NTRK2: variants seen among roughly 807,000 people sequenced by gnomAD.
NTRK2 encodes neurotrophic receptor tyrosine kinase 2.
A neutral mutation model predicts 94.5 loss-of-function variants in NTRK2; 13 were observed. The observed-to-expected ratio is 0.14, with a 90% CI of 0.09 to 0.22. The LOEUF (loss-of-function observed/expected upper bound fraction) is 0.22. Ranked by LOEUF, NTRK2 falls within the 10% of genes least tolerant of loss-of-function variation. NTRK2 has a pLI of 1.00. For missense variants in NTRK2, 639 were observed against 1,071.2 expected (o/e 0.60, Z 5.63); for synonymous variants, 372 against 407.4 (o/e 0.91, Z 1.05).
chr9:84,741,130 C>A (rs1400788143), intron 9 of NTRK2, among the ~76,000 whole-genome samples: 1 of 122,888 alleles, frequency 8.1e-6, no homozygotes, highest in Non-Finnish European at 1.7e-5. Context: ...GTTACCAGTT[C>A]TTGTTGATGC....
At chr9:84,847,181 C>T (rs1487566575) in intron 12 of NTRK2, among the ~76,000 whole-genome samples, 1 of 152,188 alleles carries the variant, frequency 6.6e-6, no homozygotes, top group Non-Finnish European at 1.5e-5. Context: ...AAGAGCAGGA[C>T]ATTTACATCT....
chr9:84,899,923 G>A (rs1221906696), intron 14 of NTRK2, among the ~76,000 whole-genome samples: 2 of 152,196 alleles, frequency 1.3e-5, no homozygotes, highest in African/African-American at 4.8e-5. Flanking sequence ...TCTGTGGAAA[G>A]AAAATTCCTG....
At chr9:84,741,762 G>T in intron 9 of NTRK2, 130 bp from the exon 10 acceptor site, 1 of 736,396 alleles carries the variant, frequency 1.4e-6, no homozygotes, top group Non-Finnish European at 2.4e-6. Context: ...TTGTTTACCT[G>T]TCCTGTGAAA....
At chr9:84,813,083 A>G (rs766206799) in intron 12 of NTRK2, 8 of 1,039,514 alleles carry the variant, frequency 7.7e-6, no homozygotes, top group Non-Finnish European at 9.3e-6. Context: ...TTCCTAATGC[A>G]TGTGTTGCAT....
chr9:84,735,985 A>G (rs1306935587), intron 9 of NTRK2, among the ~76,000 whole-genome samples: 1 of 152,190 alleles, frequency 6.6e-6, no homozygotes, highest in Non-Finnish European at 1.5e-5. Context: ...GCATTTTCTG[A>G]TCAGATAGCC....
At chr9:84,936,654 C>T (rs555691677) in intron 15 of NTRK2, among the ~76,000 whole-genome samples, 1 of 152,216 alleles carries the variant, frequency 6.6e-6, no homozygotes, top group Non-Finnish European at 1.5e-5. Context: ...CTTTAATCAA[C>T]ACTGCTTAAA....
At chr9:84,775,378 G>T (rs1275757633) in intron 12 of NTRK2, among the ~76,000 whole-genome samples, 1 of 152,142 alleles carries the variant, frequency 6.6e-6, no homozygotes, top group Non-Finnish European at 1.5e-5. Context: ...TCTGTCTTAT[G>T]CTCACATATT....
intron 2 of NTRK2, among the ~76,000 whole-genome samples, chr9:84,676,789 C>T (rs2059085468): frequency 6.6e-6 from 1 of 152,096 alleles, no homozygotes. Context: ...TTTGCACCAA[C>T]CTAATAGAAC....
intron 2 of NTRK2, among the ~76,000 whole-genome samples, chr9:84,696,305 G>T (rs1270303539): frequency 1.3e-5 from 2 of 152,180 alleles, no homozygotes; most frequent in African/African-American, 2.4e-5. Context: ...TGGCTAGCTG[G>T]TTTTTATCAC....
chr9:84,887,491 T>A (rs193123296), intron 14 of NTRK2, among the ~76,000 whole-genome samples: 1 of 152,246 alleles, frequency 6.6e-6, no homozygotes, highest in Non-Finnish European at 1.5e-5. Context: ...AAGAAATTTT[T>A]AAAATATACT....
At chr9:84,758,367 C>G (rs920524535) in intron 12 of NTRK2, among the ~76,000 whole-genome samples, 2 of 151,676 alleles carry the variant, frequency 1.3e-5, no homozygotes, top group Non-Finnish European at 2.9e-5. Context: ...TTAAACTTAG[C>G]CCTTTAGTCT....
chr9:84,958,823 A>G (rs1215220976), intron 17 of NTRK2, among the ~76,000 whole-genome samples: 4 of 152,238 alleles, frequency 2.6e-5, no homozygotes, highest in South Asian at 2.1e-4. Context: ...AATATTTGCC[A>G]TCATAGAACT....
intron 14 of NTRK2, among the ~76,000 whole-genome samples, chr9:84,881,777 A>C (rs780595622): frequency 6.6e-6 from 1 of 152,142 alleles, no homozygotes; most frequent in African/African-American, 2.4e-5. Context: ...GTTGGGTTTG[A>C]AGCTTTTTCT....
intron 17 of NTRK2, among the ~76,000 whole-genome samples, chr9:84,989,962 GT>G (rs1828840738): frequency 6.6e-6 from 1 of 152,212 alleles, no homozygotes; most frequent in African/African-American, 2.4e-5. Flanking sequence ...TGTAAAGTGA[GT>G]TGGTAATAAC....
intron 12 of NTRK2, among the ~76,000 whole-genome samples, chr9:84,835,485 T>C (rs2073817953): frequency 6.6e-6 from 1 of 151,750 alleles, no homozygotes; most frequent in African/African-American, 2.4e-5. Flanking sequence ...CCACGGGATA[T>C]GTTTTCTGGC....
At chr9:84,933,377 G>A (rs1381010126) in intron 14 of NTRK2, among the ~76,000 whole-genome samples, 5 of 152,140 alleles carry the variant, frequency 3.3e-5, no homozygotes, top group African/African-American at 1.2e-4. Flanking sequence ...AGCTTCTGAG[G>A]ACCCTTAACT....
chr9:84,894,154 T>G (rs62562456), intron 14 of NTRK2, among the ~76,000 whole-genome samples: 130,187 of 150,218 alleles, frequency 0.87, 56,618 homozygotes, highest in African/African-American at 0.94. Context: ...TGGGTGTTAC[T>G]TGACTATTTG....
chr9:84,786,423 T>G (rs1411272666), intron 12 of NTRK2, among the ~76,000 whole-genome samples: 2 of 152,166 alleles, frequency 1.3e-5, no homozygotes, highest in Admixed American at 1.3e-4. Context: ...AGCCTAGGCT[T>G]ACAAATTTGC....
intron 12 of NTRK2, among the ~76,000 whole-genome samples, chr9:84,820,311 A>G (rs937231873): frequency 6.6e-6 from 1 of 151,916 alleles, no homozygotes; most frequent in African/African-American, 2.4e-5. Flanking sequence ...CTGGGACTAC[A>G]GGCGTGCACC....
Sources: gnomAD v4.1 joint callset for allele counts (sites outside exome capture counted in the v4.1 genomes callset) on GRCh38, gnomAD v4.1.1 for gene constraint, MANE v1.5 for transcripts, NCBI Gene and HGNC (gene_info 2026-07-23, HGNC 2026-07-21) for gene names.